Variants in CFAP299 observed in about 807,000 individuals in gnomAD.
CFAP299 encodes the protein cilia- and flagella-associated protein 299.
Under a neutral mutation model 27.0 loss-of-function variants are expected in CFAP299, and 21 were observed. That is an observed-to-expected ratio of 0.78 (90% confidence interval 0.55 to 1.12). The LOEUF is 1.12. Ranked by LOEUF, CFAP299 falls within the 50% of genes most tolerant of loss-of-function variation. The pLI, the probability that CFAP299 is intolerant of heterozygous loss-of-function variation, is 0.00. For synonymous variants in CFAP299, 104 were observed against 98.1 expected (o/e 1.06, Z -0.36); for missense variants, 310 against 276.6 (o/e 1.12, Z -0.86).
At chr4:80,819,370 T>G (rs1350517493) in intron 3 of CFAP299, among the ~76,000 whole-genome samples, 1 of 152,130 alleles carries the variant, frequency 6.6e-6, no homozygotes, top group African/African-American at 2.4e-5. Context: ...GTCTTAAGAA[T>G]GTTGACTGAA....
intron 3 of CFAP299, among the ~76,000 whole-genome samples, chr4:80,817,151 G>A (rs1184028961): frequency 1.3e-5 from 2 of 152,012 alleles, no homozygotes; most frequent in African/African-American, 4.8e-5. Flanking sequence ...CATTAAAAAG[G>A]CCTATCCCCT....
chr4:80,391,267 T>C (rs569442905), intron 2 of CFAP299, among the ~76,000 whole-genome samples: 9 of 152,314 alleles, frequency 5.9e-5, no homozygotes, highest in African/African-American at 2.2e-4. Context: ...GTGGTAGTTC[T>C]ATTTTTAATT....
intron 2 of CFAP299, among the ~76,000 whole-genome samples, chr4:80,456,902 C>A (rs1729192460): frequency 6.6e-6 from 1 of 151,542 alleles, no homozygotes; most frequent in Admixed American, 6.6e-5. Context: ...GATGGTTTAG[C>A]CAGGAAGACA....
intron 2 of CFAP299, chr4:80,388,123 A>G: frequency 1.5e-6 from 1 of 680,810 alleles, no homozygotes; most frequent in South Asian, 1.6e-5. Flanking sequence ...CAGGATTGGG[A>G]TGCCCAGGGG....
At chr4:80,861,302 G>A (rs1210026906) in intron 3 of CFAP299, among the ~76,000 whole-genome samples, 3 of 152,124 alleles carry the variant, frequency 2.0e-5, no homozygotes, top group Non-Finnish European at 4.4e-5. Context: ...GATTTTCCAG[G>A]TGCTGTCTGT....
At chr4:80,577,634 C>T (rs529101680) in intron 2 of CFAP299, among the ~76,000 whole-genome samples, 73 of 152,144 alleles carry the variant, frequency 4.8e-4, no homozygotes, top group Middle Eastern at 3.4e-3. Context: ...ATCTATTGAC[C>T]TTGTGATCTG....
the CFAP299 span, among the ~76,000 whole-genome samples, chr4:80,329,959 C>G: frequency 2.6e-5 from 4 of 152,194 alleles, no homozygotes; most frequent in African/African-American, 9.6e-5. Context: ...AAGGTTTTAT[C>G]TGAATTTCTT....
In CFAP299 at chr4:80,685,423, A is replaced by G. The variant is rs185070270; in HGVS notation, c.333+102240A>G. Among the ~76,000 whole-genome samples, 23 of 152,158 alleles carry G rather than the reference A, an allele frequency of 1.5e-4. No homozygotes were observed. In the East Asian group the frequency reaches 1.5e-3, roughly 10 times the overall value. On this transcript the variant is annotated intron_variant, in intron 3 of 5. Coordinates refer to ENST00000358105, the MANE Select transcript of CFAP299 (RefSeq NM_152770.3). ...ACTGAAACCTTGCCAATTGCACTGAAGTGTTACATTCATTATGTCATACCA... is the reference window on the plus strand; with the variant it reads ...ACTGAAACCTTGCCAATTGCACTGAGGTGTTACATTCATTATGTCATACCA...
chr4:80,465,183 TGC>T (rs1170809593), intron 2 of CFAP299, among the ~76,000 whole-genome samples: 1 of 152,192 alleles, frequency 6.6e-6, no homozygotes, highest in Admixed American at 6.5e-5. Flanking sequence ...TCCCAGCAGA[TGC>T]AAGTCAAGAA....
At chr4:80,691,428 A>G (rs1354925670) in intron 3 of CFAP299, among the ~76,000 whole-genome samples, 2 of 151,154 alleles carry the variant, frequency 1.3e-5, no homozygotes, top group African/African-American at 2.4e-5. Context: ...TATAAACAGA[A>G]CCAAAGACAA....
chr4:80,829,587 T>C (rs955276165), intron 3 of CFAP299, among the ~76,000 whole-genome samples: 2 of 152,050 alleles, frequency 1.3e-5, no homozygotes, highest in African/African-American at 4.8e-5. Context: ...ATGTAAGTAA[T>C]ATAATTGAAG....
At chr4:80,767,526 G>A (rs777263927) in intron 3 of CFAP299, among the ~76,000 whole-genome samples, 3 of 152,014 alleles carry the variant, frequency 2.0e-5, no homozygotes, top group African/African-American at 4.8e-5. Flanking sequence ...GGAGAATGGC[G>A]TGAACCCAGG....
At chr4:80,854,123 C>T (rs1404323111) in intron 3 of CFAP299, among the ~76,000 whole-genome samples, 1 of 152,086 alleles carries the variant, frequency 6.6e-6, no homozygotes, top group East Asian at 1.9e-4. Context: ...CAGAATAAAA[C>T]CTTGAGAATA....
rs1354789609 is a variant in CFAP299 at position 80,682,542 on chromosome 4, T to C, written c.333+99359T>C. 4.0e-5 allele frequency among the ~76,000 whole-genome samples: 6 copies of C among 150,734 alleles called. No individual in the cohort carries two copies. The Admixed American group carries it at 4.0e-4, about 10-fold the overall frequency. On this transcript the variant is annotated intron_variant, in intron 3 of 5. Transcript: ENST00000358105. Reference sequence around the variant, plus strand: ...TAAAATTTTTCCAGCCCCTACTAAATGCTAAGCAGTGTACATTTTACATGC... The same window carrying C: ...TAAAATTTTTCCAGCCCCTACTAAACGCTAAGCAGTGTACATTTTACATGC...
At chr4:80,493,759 C>CTTTTT (rs1177389983) in intron 2 of CFAP299, among the ~76,000 whole-genome samples, 8 of 76,766 alleles carry the variant, frequency 1.0e-4, no homozygotes, top group East Asian at 4.5e-4. Flanking sequence ...ATCTCATATT[C>CTTTTT]TTTTTTTTTT....
chr4:80,951,141 A>G (rs1331724570), intron 5 of CFAP299, among the ~76,000 whole-genome samples: 1 of 152,172 alleles, frequency 6.6e-6, no homozygotes, highest in East Asian at 1.9e-4. Context: ...TCTTTTTGTT[A>G]TCTTATTTAC....
chr4:80,427,674 C>T (rs1727594113), intron 2 of CFAP299, among the ~76,000 whole-genome samples: 1 of 152,124 alleles, frequency 6.6e-6, no homozygotes, highest in Non-Finnish European at 1.5e-5. Flanking sequence ...GAGGTAATTG[C>T]CACTGTTAGG....
rs888442595 is a variant in CFAP299 at position 80,608,853 on chromosome 4, C to G, written c.333+25670C>G. Among the ~76,000 whole-genome samples the G allele has an allele frequency of 3.6e-5, 3 of 82,676 alleles. No homozygotes were observed. The Admixed American group carries it at 4.7e-4, about 13-fold the overall frequency. 54.2% of individuals were successfully genotyped at this position (82,676 alleles called of 152,430 possible). A position where few individuals can be genotyped will look rare whatever the true frequency, so the allele number is the denominator to read the frequency against. Reference sequence around the variant, plus strand: ...CTTGTGTAAAACTGGGTAAAGCTTACACGATGCATGTGTGTGTGTGTGTGT... The same window carrying G: ...CTTGTGTAAAACTGGGTAAAGCTTAGACGATGCATGTGTGTGTGTGTGTGT... On this transcript the variant is annotated intron_variant, in intron 3 of 5. Coordinates refer to ENST00000358105, the MANE Select transcript of CFAP299 (RefSeq NM_152770.3).
chr4:80,782,587 A>G (rs1726951681), intron 3 of CFAP299, among the ~76,000 whole-genome samples: 1 of 131,200 alleles, frequency 7.6e-6, no homozygotes, highest in Non-Finnish European at 1.7e-5. Context: ...AATATATAAT[A>G]TATTCATATA....
Sources: allele counts gnomAD v4.1 joint callset (sites outside exome capture counted in the v4.1 genomes callset), GRCh38; gene constraint gnomAD v4.1.1; transcripts MANE v1.5; gene names NCBI Gene and HGNC (gene_info 2026-07-23, HGNC 2026-07-21).